Variants in H3-7 observed in about 807,000 individuals in gnomAD.
The protein encoded by H3-7 is histone H3-7.
chr1:143,903,133 A>G, the H3-7 span, among the ~76,000 whole-genome samples: 1 of 140,182 alleles, frequency 7.1e-6, no homozygotes, highest in Admixed American at 7.2e-5. Flanking sequence ...CGGAGCTTGC[A>G]GTGAGCCGAG....
chr1:143,904,733 A>C, the H3-7 span: 1 of 1,001,052 alleles, frequency 1.0e-6, no homozygotes, highest in Non-Finnish European at 1.5e-6. Context: ...TTAATTGGTT[A>C]ACTTACAACG....
chr1:143,905,564 G>C, the H3-7 span: 4 of 1,579,394 alleles, frequency 2.5e-6, no homozygotes, highest in East Asian at 4.6e-5. Context: ...CCTTAGGCCC[G>C]CTCCCCGCGG....
At chr1:143,905,655 C>G in the H3-7 span, 1 of 1,582,970 alleles carries the variant, frequency 6.3e-7, no homozygotes, top group Non-Finnish European at 8.7e-7. Context: ...TGTCTTCGAA[C>G]AGCCCCACCA....
the H3-7 span, chr1:143,905,914 C>T: frequency 5.1e-6 from 8 of 1,580,274 alleles, 1 homozygote; most frequent in East Asian, 1.6e-4. Flanking sequence ...CAGCTGCTTC[C>T]TCGGGGCCTT....
the H3-7 span, among the ~76,000 whole-genome samples, chr1:143,904,858 C>T: frequency 6.9e-6 from 1 of 145,182 alleles, no homozygotes; most frequent in African/African-American, 2.5e-5. Context: ...TCACACTAAC[C>T]AGTTTTAAGC....
the H3-7 span, chr1:143,905,632 G>A: frequency 1.3e-6 from 2 of 1,582,732 alleles, no homozygotes; most frequent in Non-Finnish European, 1.7e-6. Flanking sequence ...GGCATGGATG[G>A]CGCACAGGTT....
chr1:143,905,789 C>G, the H3-7 span: 1 of 1,582,020 alleles, frequency 6.3e-7, no homozygotes, highest in African/African-American at 1.3e-5. Context: ...ATCAGCAGCT[C>G]CGTAGACTTC....
chr1:143,903,036 C>CA, the H3-7 span, among the ~76,000 whole-genome samples: 3 of 130,780 alleles, frequency 2.3e-5, no homozygotes, highest in Admixed American at 7.7e-5. Context: ...ACTAAAAATA[C>CA]AAAAAATTAG....
the H3-7 span, among the ~76,000 whole-genome samples, chr1:143,903,178 C>A: frequency 5.9e-5 from 8 of 134,546 alleles, 1 homozygote; most frequent in African/African-American, 1.7e-4. Flanking sequence ...GGCGACAGAG[C>A]GAGACTCCGT....
chr1:143,905,550 T>C, the H3-7 span: 10 of 1,568,304 alleles, frequency 6.4e-6, 1 homozygote, highest in Non-Finnish European at 8.7e-6. Context: ...CACTTAAAAA[T>C]ATACCTTAGG....
At chr1:143,904,628 G>T in the H3-7 span, 1 of 1,528,228 alleles carries the variant, frequency 6.5e-7, no homozygotes, top group Non-Finnish European at 8.9e-7. Context: ...AGAGAACAGA[G>T]ACTTAAAGAA....
the H3-7 span, chr1:143,905,392 G>A: frequency 1.0e-5 from 6 of 595,156 alleles, no homozygotes; most frequent in Admixed American, 6.3e-5. Flanking sequence ...GCCAACTCAC[G>A]GCTGGGCTTT....
At chr1:143,905,865 G>A in the H3-7 span, 1 of 1,580,636 alleles carries the variant, frequency 6.3e-7, no homozygotes, top group South Asian at 1.1e-5. Flanking sequence ...TCTTCACCCC[G>A]CCCGTGGCCG....
the H3-7 span, chr1:143,904,638 A>G: frequency 1.0e-5 from 16 of 1,577,690 alleles, 2 homozygotes; most frequent in South Asian, 1.7e-4. Flanking sequence ...GACTTAAAGA[A>G]GTAATCCGAA....
At chr1:143,905,839 C>G in the H3-7 span, 3 of 1,581,970 alleles carry the variant, frequency 1.9e-6, 1 homozygote, top group Admixed American at 3.4e-5. Context: ...GGTGCCGGGC[C>G]GGTAGCGGTG....
the H3-7 span, chr1:143,905,943 G>A: frequency 7.0e-6 from 11 of 1,580,112 alleles, 1 homozygote; most frequent in East Asian, 1.1e-4. Flanking sequence ...TCGACTTGCG[G>A]GCAGTCTGCT....
At chr1:143,904,682 T>C in the H3-7 span, 2 of 1,457,124 alleles carry the variant, frequency 1.4e-6, no homozygotes, top group East Asian at 2.3e-5. Context: ...GCGCTACTTA[T>C]AGAGCCTGTA....
chr1:143,905,920 G>T, the H3-7 span: 6 of 1,580,044 alleles, frequency 3.8e-6, no homozygotes, highest in African/African-American at 4.0e-5. Flanking sequence ...CTTCCTCGGG[G>T]CCTTGCCGCC....
chr1:143,905,834 C>T, the H3-7 span: 8 of 1,582,162 alleles, frequency 5.1e-6, 1 homozygote, highest in African/African-American at 1.3e-5. Context: ...GCCACGGTGC[C>T]GGGCCGGTAG....
Sources: allele counts gnomAD v4.1 joint callset (sites outside exome capture counted in the v4.1 genomes callset), GRCh38; gene constraint gnomAD v4.1.1; transcripts MANE v1.5; gene names NCBI Gene and HGNC (gene_info 2026-07-23, HGNC 2026-07-21).